The following PRRX2 variants were observed in gnomAD, a reference collection of about 807,000 sequenced individuals.
The protein encoded by PRRX2 is paired mesoderm homeobox protein 2.
Under a neutral mutation model 18.0 loss-of-function variants are expected in PRRX2, and 11 were observed. The ratio of observed to expected loss-of-function variants is 0.61; its 90% CI spans 0.39 to 1.01. The LOEUF (loss-of-function observed/expected upper bound fraction) is 1.01. PRRX2 is among the 50% of genes least tolerant of loss of function. The pLI is 0.01. For synonymous variants in PRRX2, 177 were observed against 154.8 expected (o/e 1.14, Z -1.06); for missense variants, 387 against 351.0 (o/e 1.10, Z -0.82).
In PRRX2 at chr9:129,720,704, C is replaced by A; in HGVS notation, c.556C>A (p.Gln186Lys). The A allele has an allele frequency of 6.2e-7, 1 of 1,613,052 alleles. No homozygotes were observed. Residue 186 changes from glutamine (Q) to lysine (K), a missense_variant, in exon 3 of 4, where the codon CAG becomes AAG. Gln to Lys is a moderately conservative substitution (Grantham distance 53). Transcript: ENST00000372469. The part of the protein sequence containing the change: ...KSYSQEAAIE[Q>K]PVAPRPTALS... ...CTACAGCCAGGAGGCCGCCATCGAG[C>A]AGCCCGTGGCTCCCCGGCCCACCGC...
At chr9:129,679,501 C>T (rs1428498645) in intron 1 of PRRX2, among the ~76,000 whole-genome samples, 1 of 152,120 alleles carries the variant, frequency 6.6e-6, no homozygotes, top group African/African-American at 2.4e-5. Flanking sequence ...TTTTATGACC[C>T]CATTTTCTAG....
At position 129,671,859 on chromosome 9, in the gene PRRX2, C is replaced by T. The variant is rs901539446; in HGVS notation, c.259+5733C>T. 4.3e-4 allele frequency among the ~76,000 whole-genome samples: 64 copies of T among 148,610 alleles called. No homozygotes were observed. Among genetic ancestry groups the T allele is most frequent in the African/African-American group, 1.5e-3 (62 of 40,488 alleles). ...CCAGGCCTCCCTCTCCTGCACAGTC[C>T]TTGGGCTGGAGGAGTCAGGGAAGGG... On this transcript the variant is annotated intron_variant, in intron 1 of 3. Transcript: ENST00000372469. The surrounding 1 kb of genome is among the most constrained non-coding windows in gnomAD (Gnocchi z 4.0).
chr9:129,722,145 G>A (rs1832800870), intron 3 of PRRX2, 72 bp from the exon 4 acceptor site: 1 of 1,553,644 alleles, frequency 6.4e-7, no homozygotes, highest in Admixed American at 1.8e-5. Flanking sequence ...GGCAGGACCA[G>A]AGGCTGGGGT....
intron 1 of PRRX2, among the ~76,000 whole-genome samples, chr9:129,716,490 T>C (rs1832709177): frequency 1.3e-5 from 2 of 151,392 alleles, no homozygotes; most frequent in African/African-American, 4.9e-5. Context: ...AGTCTCACTC[T>C]GTCGCCCAGG....
At chr9:129,673,275 C>A (rs1029032461) in intron 1 of PRRX2, among the ~76,000 whole-genome samples, 1 of 152,036 alleles carries the variant, frequency 6.6e-6, no homozygotes, top group Non-Finnish European at 1.5e-5. Flanking sequence ...GTAGCAAGAC[C>A]TTGCCTCTAC....
intron 1 of PRRX2, among the ~76,000 whole-genome samples, chr9:129,668,875 G>A (rs1046162586): frequency 1.3e-5 from 2 of 151,754 alleles, no homozygotes; most frequent in African/African-American, 4.8e-5. Context: ...TTAGCCAGGT[G>A]CAGTGGCTCA....
chr9:129,668,460 C>T (rs993047474), intron 1 of PRRX2, among the ~76,000 whole-genome samples: 13 of 152,042 alleles, frequency 8.6e-5, no homozygotes, highest in African/African-American at 3.1e-4. Flanking sequence ...TCCTGTGGCT[C>T]TTGGAGTTGT....
At chr9:129,666,645 G>A (rs1832029974) in intron 1 of PRRX2, among the ~76,000 whole-genome samples, 1 of 123,468 alleles carries the variant, frequency 8.1e-6, no homozygotes, top group Non-Finnish European at 1.6e-5. Flanking sequence ...TCTCTTCCCC[G>A]GCAGAGGTCA....
chr9:129,720,574 C>G (rs958602406), intron 2 of PRRX2, 22 bp from the exon 3 acceptor site: 2 of 1,584,658 alleles, frequency 1.3e-6, no homozygotes, highest in African/African-American at 2.7e-5. Context: ...ATGCTGCACC[C>G]TGCTCACCCT....
At chr9:129,680,248 G>GA (rs1358386182) in intron 1 of PRRX2, among the ~76,000 whole-genome samples, 1 of 151,488 alleles carries the variant, frequency 6.6e-6, no homozygotes, top group Non-Finnish European at 1.5e-5. Flanking sequence ...CTAAAAATAC[G>GA]AAGTTAGCTG....
intron 1 of PRRX2, among the ~76,000 whole-genome samples, chr9:129,672,518 GA>G (rs1832111874): frequency 6.6e-6 from 1 of 152,224 alleles, no homozygotes; most frequent in African/African-American, 2.4e-5. Context: ...TGGCTCCCGG[GA>G]ATGCTGGGGT....
chr9:129,717,562 G>T (rs1832725580), intron 1 of PRRX2, among the ~76,000 whole-genome samples: 1 of 151,918 alleles, frequency 6.6e-6, no homozygotes, highest in African/African-American at 2.4e-5. Context: ...AAGGCATGTT[G>T]GTGGGCGCCT....
Position 129,722,639 on chromosome 9 carries a change from C to A in PRRX2, c.*287C>A. 1 of 312,886 alleles carries A rather than the reference C, an allele frequency of 3.2e-6. No homozygotes were observed. Among genetic ancestry groups the A allele is most frequent in the Non-Finnish European group, 5.8e-6 (1 of 172,810 alleles). The allele number at this position is 312,886 out of a possible 1,614,324, so 19.4% of individuals were successfully genotyped here. On this transcript the variant is annotated 3_prime_UTR_variant, in exon 4 of 4. Transcript: ENST00000372469. Reference sequence around the variant, plus strand: ...TGTATTAAAACCAAAAAGCTTTTGTCTTTAAGAAATAAAACCATTTTTTTA... The same window carrying A: ...TGTATTAAAACCAAAAAGCTTTTGTATTTAAGAAATAAAACCATTTTTTTA...
chr9:129,687,988 T>A (rs1296727279), intron 1 of PRRX2, among the ~76,000 whole-genome samples: 2 of 152,078 alleles, frequency 1.3e-5, no homozygotes, highest in Non-Finnish European at 2.9e-5. Flanking sequence ...CTTGACCTCC[T>A]GGGCTCAAGC....
chr9:129,706,617 A>G (rs1832560809), intron 1 of PRRX2, among the ~76,000 whole-genome samples: 1 of 152,064 alleles, frequency 6.6e-6, no homozygotes, highest in East Asian at 1.9e-4. Context: ...AGTTCCAGCT[A>G]CTGGGGAGGC....
chr9:129,706,537 T>C (rs963014365), intron 1 of PRRX2, among the ~76,000 whole-genome samples: 6 of 151,272 alleles, frequency 4.0e-5, no homozygotes, highest in Non-Finnish European at 7.4e-5. Flanking sequence ...CACTCCAGCC[T>C]GGGCGACAGA....
At chr9:129,713,884 C>G (rs1311439103) in intron 1 of PRRX2, among the ~76,000 whole-genome samples, 1 of 150,310 alleles carries the variant, frequency 6.7e-6, no homozygotes, top group Non-Finnish European at 1.5e-5. Flanking sequence ...CTCAGGTGTT[C>G]CGCCTGCCTC....
At chr9:129,686,750 C>T (rs2130916183) in intron 1 of PRRX2, among the ~76,000 whole-genome samples, 1 of 152,342 alleles carries the variant, frequency 6.6e-6, no homozygotes, top group South Asian at 2.1e-4. Flanking sequence ...AAGGGGGATC[C>T]CTGGTCATCT....
At chr9:129,707,653 C>A (rs1056067551) in intron 1 of PRRX2, among the ~76,000 whole-genome samples, 2 of 151,658 alleles carry the variant, frequency 1.3e-5, no homozygotes, top group African/African-American at 4.8e-5. Context: ...TAACCCGGTA[C>A]GGTGATGTGC....
Sources: gnomAD v4.1 joint callset for allele counts (sites outside exome capture counted in the v4.1 genomes callset) on GRCh38, gnomAD v4.1.1 for gene constraint, Gnocchi (gnomAD v3.1) non-coding constraint, MANE v1.5 for transcripts, NCBI Gene and HGNC (gene_info 2026-07-23, HGNC 2026-07-21) for gene names.